Variants in PRAMEF17 observed in about 807,000 individuals in gnomAD.
PRAMEF17 encodes PRAME family member 17.
A neutral mutation model predicts 36.8 loss-of-function variants in PRAMEF17; 48 were observed. That is an observed-to-expected ratio of 1.30 (90% CI 1.03 to 1.66). The LOEUF (loss-of-function observed/expected upper bound fraction) is 1.66. Among genes scored for constraint, PRAMEF17 ranks in the 40% most tolerant of loss-of-function variants. The probability of loss-of-function intolerance (pLI) is 0.00; values close to 1 mark genes in which losing one functional copy is unlikely to be tolerated. For missense variants in PRAMEF17, 639 were observed against 560.6 expected (o/e 1.14, Z -1.41); for synonymous variants, 246 against 220.4 (o/e 1.12, Z -1.03).
chr1:13,390,929 G>A lies in PRAMEF17; in HGVS notation c.866+10G>A, dbSNP rs1569849666. The A allele has an allele frequency of 5.0e-6, 8 of 1,611,996 alleles. 1 individual carries two copies. In the East Asian group the frequency reaches 1.6e-4, roughly 31 times the overall value. On this transcript the variant is annotated intron_variant, in intron 2 of 2. Transcript: ENST00000376098. ...TGGAGCACCTGCTCAGGTAAGAAAG[G>A]ATGGTGAGCTTTCTCTGCAGACCAT...
At position 13,392,370 on chromosome 1, in the gene PRAMEF17, C is replaced by T. The variant is rs747511729; in HGVS notation, c.1293C>T (p.Ala431=). The change falls in exon 3 of 3, where the codon GCC becomes GCT. Residue 431 remains alanine (A), a synonymous_variant. Transcript: ENST00000376098. The part of the protein sequence containing the change: ...NRGHVNWEIL[A]PIRAELMCTL... Reference sequence around the variant, plus strand: ...GTCATGTCAATTGGGAGATCCTCGCCCCAATTCGGGCTGAGCTGATGTGTA... The same window carrying T: ...GTCATGTCAATTGGGAGATCCTCGCTCCAATTCGGGCTGAGCTGATGTGTA... The T allele has an allele frequency of 8.1e-6, 13 of 1,611,952 alleles. No individual in the cohort carries two copies. In the South Asian group the frequency reaches 1.2e-4, roughly 15 times the overall value.
At position 13,389,787 on chromosome 1, in the gene PRAMEF17, T is replaced by A; in HGVS notation, c.130T>A (p.Ser44Thr). ...EVFPLMFMEA[S>T]SMRHFEALKL... ...CTTCCCTCTGATGTTCATGGAGGCCTCCAGCATGAGACATTTTGAGGCCCT... is the reference window on the plus strand; with the variant it reads ...CTTCCCTCTGATGTTCATGGAGGCCACCAGCATGAGACATTTTGAGGCCCT... Residue 44 changes from serine (S) to threonine (T), a missense_variant, in exon 1 of 3, where the codon TCC (serine) becomes ACC (threonine). Ser to Thr is a moderately conservative substitution (Grantham distance 58). Coordinates refer to ENST00000376098, the MANE Select transcript of PRAMEF17 (RefSeq NM_001099851.3). The A allele has an allele frequency of 2.5e-6, 4 of 1,611,146 alleles. No individual in the cohort carries two copies. The South Asian group carries it at 3.3e-5, about 13-fold the overall frequency.
At position 13,389,838 on chromosome 1, in the gene PRAMEF17, T is replaced by G. The variant is rs1469821942; in HGVS notation, c.181T>G (p.Phe61Val). The G allele has an allele frequency of 7.4e-6, 12 of 1,613,502 alleles. No individual in the cohort carries two copies. Among genetic ancestry groups the G allele is most frequent in the Non-Finnish European group, 1.0e-5 (12 of 1,180,024 alleles). ...ALKLMVQAWP[F>V]LRLPLGSLMK... ...GAAGCTGATGGTGCAGGCCTGGCCC[T>G]TCCTCCGCCTCCCTCTGGGATCCCT... Residue 61 changes from phenylalanine (F) to valine (V), a missense_variant, in exon 1 of 3, where the codon TTC becomes GTC. Physicochemically the swap from Phe to Val is conservative, Grantham distance 50. Coordinates refer to ENST00000376098, the MANE Select transcript of PRAMEF17 (RefSeq NM_001099851.3).
chr1:13,391,946 G>T lies in PRAMEF17; in HGVS notation c.869G>T (p.Cys290Phe), dbSNP rs200047809. The part of the protein sequence containing the change: ...IKEHLEHLLR[C>F]LKNPLGTFIF... ...AACTAATTTCTTGCTCTCCCCAGGT[G>T]CCTCAAGAACCCCTTGGGAACCTTT... The change falls in exon 3 of 3, where the codon TGC (cysteine) becomes TTC (phenylalanine). Residue 290 changes from cysteine (C) to phenylalanine (F), a missense_variant and splice_region_variant. Physicochemically the swap from Cys to Phe is radical, Grantham distance 205. Coordinates refer to ENST00000376098, the MANE Select transcript of PRAMEF17 (RefSeq NM_001099851.3). The T allele has an allele frequency of 5.0e-6, 8 of 1,592,652 alleles. No homozygotes were observed. The highest frequency in any genetic ancestry group is 6.9e-6 in the Non-Finnish European group (8 of 1,163,696).
intron 2 of PRAMEF17, 107 bp from the exon 3 acceptor site, chr1:13,391,837 G>A (rs1372415588): frequency 2.0e-6 from 3 of 1,487,062 alleles, no homozygotes; most frequent in Admixed American, 1.8e-5. Flanking sequence ...GTGGTAGTAA[G>A]GTGCAGAATT....
chr1:13,392,334 T>G lies in PRAMEF17; in HGVS notation c.1257T>G (p.Leu419=). 1 of 1,611,968 alleles carries G rather than the reference T, an allele frequency of 6.2e-7. No individual in the cohort carries two copies. The highest frequency in any genetic ancestry group is 2.2e-5 in the East Asian group (1 of 44,872). Residue 419 remains leucine, a synonymous_variant, in exon 3 of 3, where the codon CTT becomes CTG. Transcript: ENST00000376098. ...TGTATCCTGCCCCTCTGGAGTGTCT[T>G]GACAACAGGGGTCATGTCAATTGGG... ...LELYPAPLEC[L]DNRGHVNWEI...
rs527614708 is a variant in PRAMEF17 at position 13,391,822 on chromosome 1, C to T, written c.867-122C>T. 2.3e-5 allele frequency: 33 copies of T among 1,428,536 alleles called. No homozygotes were observed. The East Asian group carries it at 2.5e-4, about 11-fold the overall frequency. The allele number at this position is 1,428,536 out of a possible 1,614,324, so 88.5% of individuals were successfully genotyped here. A position where few individuals can be genotyped will look rare whatever the true frequency, so the allele number is the denominator to read the frequency against. ...TTCCCCATTGCAGGTTACTACAACA[C>T]CTGTGTGGTAGTAAGGTGCAGAATT... On this transcript the variant is annotated intron_variant, in intron 2 of 2. Transcript: ENST00000376098.
In PRAMEF17 at chr1:13,390,473, G is replaced by A. The variant is rs1423928134; in HGVS notation, c.420G>A (p.Arg140=). The A allele has an allele frequency of 1.2e-6, 2 of 1,611,890 alleles. No individual in the cohort carries two copies. The highest frequency in any genetic ancestry group is 1.7e-6 in the Non-Finnish European group (2 of 1,179,866). The part of the protein sequence containing the change: ...SKRQTVEDYP[R]TGEHQPLKVF... ...GGCAGACAGTGGAGGACTATCCAAG[G>A]ACGGGAGAGCACCAGCCCTTGAAGG... The change falls in exon 2 of 3, where the codon AGG becomes AGA. Residue 140 remains arginine, a synonymous_variant. Transcript: ENST00000376098.
rs760985517 is a variant in PRAMEF17 at position 13,391,936 on chromosome 1, C to T, written c.867-8C>T. 6.8e-6 allele frequency: 11 copies of T among 1,609,900 alleles called. No homozygotes were observed. The African/African-American group carries it at 1.3e-4, about 20-fold the overall frequency. On this transcript the variant is annotated splice_polypyrimidine_tract_variant and splice_region_variant and intron_variant, in intron 2 of 2. Coordinates refer to ENST00000376098, the MANE Select transcript of PRAMEF17 (RefSeq NM_001099851.3). ...CATTGCCCATAACTAATTTCTTGCT[C>T]TCCCCAGGTGCCTCAAGAACCCCTT...
Position 13,390,284 on chromosome 1 carries a change from C to T in PRAMEF17, c.288-57C>T, listed in dbSNP as rs1198347842. Reference sequence around the variant, plus strand: ...ATGTCCTGGATGTTGAGTGAAAGCTCAGGTCAGGGGTGGGTCTTTGCCTAC... The same window carrying T: ...ATGTCCTGGATGTTGAGTGAAAGCTTAGGTCAGGGGTGGGTCTTTGCCTAC... On this transcript the variant is annotated intron_variant, in intron 1 of 2. Transcript: ENST00000376098. 8.7e-6 allele frequency: 14 copies of T among 1,610,324 alleles called. No homozygotes were observed. The African/African-American group carries it at 9.4e-5, about 11-fold the overall frequency.
At chr1:13,390,978 A>G (rs1640872878) in intron 2 of PRAMEF17, 59 bp downstream of exon 2, 2 of 1,609,132 alleles carry the variant, frequency 1.2e-6, no homozygotes, top group Non-Finnish European at 1.7e-6. Context: ...GTTCTTTTTC[A>G]CAGTAAACGC....
chr1:13,390,520 A>C lies in PRAMEF17; in HGVS notation c.467A>C (p.Lys156Thr). The stretch of plus-strand genomic sequence containing the variant: ...AAGGTGTTCATAGACCTCTGCCAAA[A>C]GGAAAGTACACTGGATGAATGCCTG... Reference protein sequence around the residue: ...PLKVFIDLCQKESTLDECLSY... With the variant: ...PLKVFIDLCQTESTLDECLSY... The change falls in exon 2 of 3, where the codon AAG (lysine) becomes ACG (threonine). Residue 156 changes from lysine (K) to threonine (T), a missense_variant. By Grantham distance (78) the Lys-to-Thr change is moderately conservative. Transcript: ENST00000376098. 6.2e-7 allele frequency: 1 copy of C among 1,612,002 alleles called. No individual in the cohort carries two copies. Among genetic ancestry groups the C allele is most frequent in the Non-Finnish European group, 8.5e-7 (1 of 1,179,864 alleles).
At position 13,390,842 on chromosome 1, in the gene PRAMEF17, C is replaced by A. The variant is rs1640871348; in HGVS notation, c.789C>A (p.Phe263Leu). 6.2e-7 allele frequency: 1 copy of A among 1,612,034 alleles called. No homozygotes were observed. The change falls in exon 2 of 3, where the codon TTC becomes TTA. Residue 263 changes from phenylalanine to leucine, a missense_variant. Phe to Leu is a conservative substitution (Grantham distance 22). Coordinates refer to ENST00000376098, the MANE Select transcript of PRAMEF17 (RefSeq NM_001099851.3). ...TCGTTCCTGACTTGGACTGTCCATT[C>A]CTCTGCCTGTACTACCCTCAGATGC... is the stretch of plus-strand genomic sequence containing the variant. Reference protein sequence around the residue: ...QQFVPDLDCPFLCLYYPQMLY... With the variant: ...QQFVPDLDCPLLCLYYPQMLY...
chr1:13,390,785 CGAT>C lies in PRAMEF17; in HGVS notation c.735_737del (p.Asp245del). 2.5e-6 allele frequency: 4 copies of C among 1,611,968 alleles called. No individual in the cohort carries two copies. The highest frequency in any genetic ancestry group is 2.5e-6 in the Non-Finnish European group (3 of 1,179,848). ...AACTCTTTTTAGCCTTCGGTTATGA[CGAT>C]GAGTTATATGTAAGCGGCCAACAGC... On this transcript the variant is annotated inframe_deletion, in exon 2 of 3. Transcript: ENST00000376098.
At position 13,392,465 on chromosome 1, in the gene PRAMEF17, G is replaced by A; in HGVS notation, c.1388G>A (p.Trp463Ter). ...GPIPCPSCGS[W>*]PSEKVDFHLC... ...ATCCCCTGCCCTTCCTGTGGCTCAT[G>A]GCCATCTGAGAAAGTGGACTTCCAT... is the stretch of plus-strand genomic sequence containing the variant. The change falls in exon 3 of 3, where the codon TGG becomes TAG. Residue 463 changes from tryptophan to a stop codon, truncating the protein, a stop_gained. Transcript: ENST00000376098. LOFTEE classifies it high-confidence loss of function. 6.2e-7 allele frequency: 1 copy of A among 1,612,008 alleles called. No individual in the cohort carries two copies. The highest frequency in any genetic ancestry group is 8.5e-7 in the Non-Finnish European group (1 of 1,179,860).
chr1:13,391,785 A>G (rs1213502579), intron 2 of PRAMEF17, among the ~76,000 whole-genome samples, 159 bp from the exon 3 acceptor site: 158 of 152,140 alleles, frequency 1.0e-3, no homozygotes, highest in East Asian at 3.1e-3. Flanking sequence ...CTTGTGTTTG[A>G]GTGAAACAGG....
rs1408005517 is a variant in PRAMEF17, at chr1:13,389,682, C to T, written c.25C>T (p.Leu9Phe). Residue 9 changes from leucine to phenylalanine, a missense_variant, in exon 1 of 3, where the codon CTC (leucine) becomes TTC (phenylalanine). Physicochemically the swap from Leu to Phe is conservative, Grantham distance 22. Coordinates refer to ENST00000376098, the MANE Select transcript of PRAMEF17 (RefSeq NM_001099851.3). MSLQSPSR[L>F]LELAGQSLLR... ...AATGAGCCTCCAGTCCCCATCCAGA[C>T]TCCTGGAGCTGGCAGGCCAGAGCCT... 2.4e-5 allele frequency: 38 copies of T among 1,611,934 alleles called. No homozygotes were observed. Among genetic ancestry groups the T allele is most frequent in the Non-Finnish European group, 3.1e-5 (37 of 1,179,878 alleles).
rs35947245 is a variant in PRAMEF17, at chr1:13,392,089, G to A, written c.1012G>A (p.Glu338Lys). ...IHILMWTTNL[E>K]PLGALLEKVA... ...TATCCTAATGTGGACTACCAATCTT[G>A]AGCCCCTTGGAGCTCTGCTAGAGAA... Residue 338 changes from glutamate to lysine, a missense_variant, in exon 3 of 3, where the codon GAG (glutamate) becomes AAG (lysine). Coordinates refer to ENST00000376098, the MANE Select transcript of PRAMEF17 (RefSeq NM_001099851.3). 6.2e-7 allele frequency: 1 copy of A among 1,611,686 alleles called. No homozygotes were observed. Among genetic ancestry groups the A allele is most frequent in the Non-Finnish European group, 8.5e-7 (1 of 1,179,788 alleles).
chr1:13,392,166 C>T lies in PRAMEF17; in HGVS notation c.1089C>T (p.Asp363=), dbSNP rs1322354932. The change falls in exon 3 of 3, where the codon GAC becomes GAT. Residue 363 remains aspartate, a synonymous_variant. Coordinates refer to ENST00000376098, the MANE Select transcript of PRAMEF17 (RefSeq NM_001099851.3). ...ILTLKDCQIQ[D]SQLRVLLPAL... is the part of the protein sequence containing the mutation. Reference sequence around the variant, plus strand: ...CGTTAAAGGACTGTCAGATCCAGGACTCCCAGCTCAGGGTCCTCCTGCCTG... The same window carrying T: ...CGTTAAAGGACTGTCAGATCCAGGATTCCCAGCTCAGGGTCCTCCTGCCTG... 1.2e-6 allele frequency: 2 copies of T among 1,611,838 alleles called. No individual in the cohort carries two copies. Among genetic ancestry groups the T allele is most frequent in the Admixed American group, 3.3e-5 (2 of 59,988 alleles).
Sources: gnomAD v4.1 joint callset for allele counts (sites outside exome capture counted in the v4.1 genomes callset) on GRCh38, gnomAD v4.1.1 for gene constraint, MANE v1.5 for transcripts, NCBI Gene and HGNC (gene_info 2026-07-23, HGNC 2026-07-21) for gene names.